Variants in AIF1L observed in about 807,000 individuals in gnomAD.
The protein encoded by AIF1L is allograft inflammatory factor 1 like, also known as allograft inflammatory factor 1-like.
AIF1L carries 12 observed loss-of-function variants against 20.7 expected under a neutral mutation model. That is an observed-to-expected ratio of 0.58 (90% confidence interval 0.37 to 0.94). The LOEUF (loss-of-function observed/expected upper bound fraction) is 0.94, where lower values mean the gene tolerates loss of function less well. Ranked by LOEUF, AIF1L falls within the 40% of genes least tolerant of loss-of-function variation. The pLI is 0.01. For missense variants in AIF1L, 173 were observed against 185.3 expected, an observed-to-expected ratio of 0.93 and a Z score of 0.39; for synonymous variants, 76 against 65.1, an observed-to-expected ratio of 1.17 and a Z score of -0.81.
intron 5 of AIF1L, among the ~76,000 whole-genome samples, chr9:131,119,175 CA>C (rs66477345): frequency 1.2e-5 from 1 of 83,610 alleles, no homozygotes; most frequent in African/African-American, 3.4e-5. Context: ...AGCATTGCCC[CA>C]GGGCAGTCTC....
rs1240026181 is a variant in AIF1L at position 131,121,114 on chromosome 9, G to A, written c.*792G>A. The stretch of plus-strand genomic sequence containing the variant: ...TCAGTGCTGTTCCACCTTTTAGGGA[G>A]GTTACTGAGGGGACCAGGATGGGAG... On this transcript the variant is annotated 3_prime_UTR_variant, in exon 6 of 6. Transcript: ENST00000247291. 8 of 714,978 alleles carry A rather than the reference G, an allele frequency of 1.1e-5. No homozygotes were observed. Among genetic ancestry groups the A allele is most frequent in the Non-Finnish European group, 2.1e-5 (8 of 383,970 alleles). 44.3% of individuals were successfully genotyped at this position (714,978 alleles called of 1,614,324 possible).
intron 2 of AIF1L, among the ~76,000 whole-genome samples, chr9:131,102,667 C>G (rs1588179867): frequency 1.3e-5 from 2 of 152,354 alleles, no homozygotes; most frequent in South Asian, 4.1e-4. Flanking sequence ...GATGCGGCAT[C>G]TGAATGAGGC....
intron 5 of AIF1L, among the ~76,000 whole-genome samples, chr9:131,119,456 G>A (rs1345664712): frequency 2.0e-5 from 3 of 149,962 alleles, no homozygotes; most frequent in African/African-American, 7.4e-5. Context: ...AGCAGAGATC[G>A]TGACATTGCC....
At chr9:131,111,259 T>A in intron 2 of AIF1L, 1 of 259,688 alleles carries the variant, frequency 3.9e-6, no homozygotes, top group Non-Finnish European at 7.4e-6. Flanking sequence ...CAGGGGCTTG[T>A]CTTTGGAGCT....
At chr9:131,114,287 G>C (rs1398529084) in intron 3 of AIF1L, 1 of 417,446 alleles carries the variant, frequency 2.4e-6, no homozygotes, top group African/African-American at 2.0e-5. Context: ...GCTGGTCTGT[G>C]CTGCTGGGGA....
Position 131,096,601 on chromosome 9 carries a change from C to G in AIF1L, c.-29C>G. 6.7e-7 allele frequency: 1 copy of G among 1,485,000 alleles called. No individual in the cohort carries two copies. Among genetic ancestry groups the G allele is most frequent in the Non-Finnish European group, 8.9e-7 (1 of 1,126,022 alleles). The allele number at this position is 1,485,000 out of a possible 1,614,324, so 92.0% of individuals were successfully genotyped here. On this transcript the variant is annotated 5_prime_UTR_variant, in exon 1 of 6. Transcript: ENST00000247291. The stretch of plus-strand genomic sequence containing the variant: ...TCGTCCCTCGCCGCGTCCGCGAAGC[C>G]TGGAGCCGGCGGGAGCCCCGCGCTC...
intron 4 of AIF1L, among the ~76,000 whole-genome samples, chr9:131,115,341 T>C (rs1361483658): frequency 1.4e-5 from 2 of 147,886 alleles, no homozygotes; most frequent in Non-Finnish European, 3.0e-5. Context: ...TCCCAGCTAC[T>C]CGGGAGGCTG....
At chr9:131,097,289 A>G (rs2133368362) in intron 2 of AIF1L, among the ~76,000 whole-genome samples, 1 of 152,208 alleles carries the variant, frequency 6.6e-6, no homozygotes, top group South Asian at 2.1e-4. Context: ...GCCCAATCTC[A>G]GCTCATTGCA....
At chr9:131,115,252 C>A (rs1830981968) in intron 4 of AIF1L, among the ~76,000 whole-genome samples, 1 of 151,908 alleles carries the variant, frequency 6.6e-6, no homozygotes, top group Admixed American at 6.5e-5. Flanking sequence ...GAGTTCAAGA[C>A]CAGCCTGGCC....
rs1305629460 is a variant in AIF1L at position 131,106,763 on chromosome 9, TCGGCCGCA to T, written c.94-4833_94-4826del. Among the ~76,000 whole-genome samples the T allele has an allele frequency of 1.3e-3, 120 of 89,286 alleles. 1 individual carries two copies. The highest frequency in any genetic ancestry group is 6.2e-3 in the African/African-American group (114 of 18,284). 58.6% of individuals were successfully genotyped at this position (89,286 alleles called of 152,430 possible). A position where few individuals can be genotyped will look rare whatever the true frequency, so the allele number is the denominator to read the frequency against. Reference sequence around the variant, plus strand: ...TCGTGCCAACAAAGAATAAATAGGGTCGGCCGCATTGAGAAGGTGACATTCGGCCGCAT... The same window carrying T: ...TCGTGCCAACAAAGAATAAATAGGGTTTGAGAAGGTGACATTCGGCCGCAT... On this transcript the variant is annotated intron_variant, in intron 2 of 5. Transcript: ENST00000247291.
intron 2 of AIF1L, among the ~76,000 whole-genome samples, chr9:131,108,527 A>G (rs1830802188): frequency 6.6e-6 from 1 of 152,156 alleles, no homozygotes; most frequent in African/African-American, 2.4e-5. Flanking sequence ...TAGATGTGGT[A>G]TTTAACCCCT....
chr9:131,120,901 T>G lies in AIF1L; in HGVS notation c.*579T>G. 1 of 492,530 alleles carries G rather than the reference T, an allele frequency of 2.0e-6. No individual in the cohort carries two copies. The highest frequency in any genetic ancestry group is 3.2e-5 in the East Asian group (1 of 31,292). The allele number at this position is 492,530 out of a possible 1,614,324, so 30.5% of individuals were successfully genotyped here. A position where few individuals can be genotyped will look rare whatever the true frequency, so the allele number is the denominator to read the frequency against. ...CTTCTCATCCTCAGTGATGTGAAGG[T>G]GGGAAGGAAAGGAGCTTGGCATTGG... is the stretch of plus-strand genomic sequence containing the variant. On this transcript the variant is annotated 3_prime_UTR_variant, in exon 6 of 6. Coordinates refer to ENST00000247291, the MANE Select transcript of AIF1L (RefSeq NM_031426.4).
At chr9:131,114,502 A>G (rs1386615527) in intron 3 of AIF1L, 75 bp from the exon 4 acceptor site, 29 of 1,550,040 alleles carry the variant, frequency 1.9e-5, no homozygotes, top group Non-Finnish European at 9.8e-6. Context: ...TCATTTGCCC[A>G]CAAGGGAGCC....
chr9:131,106,076 C>T (rs1362552000), intron 2 of AIF1L: 2 of 1,238,260 alleles, frequency 1.6e-6, no homozygotes, highest in East Asian at 2.6e-5. Context: ...TCCTCGGGCT[C>T]CTCAACAGAT....
intron 2 of AIF1L, among the ~76,000 whole-genome samples, chr9:131,104,897 C>CAA (rs5900921): frequency 1.2e-3 from 134 of 112,614 alleles, no homozygotes; most frequent in African/African-American, 3.0e-3. Flanking sequence ...GACTCTGTCT[C>CAA]AAAAAAAAAA....
At chr9:131,100,363 A>G (rs1830610625) in intron 2 of AIF1L, among the ~76,000 whole-genome samples, 1 of 152,202 alleles carries the variant, frequency 6.6e-6, no homozygotes. Context: ...AACACTTGGT[A>G]TGTGCCCGTC....
At chr9:131,101,367 GA>G (rs759201684) in intron 2 of AIF1L, among the ~76,000 whole-genome samples, 2 of 151,710 alleles carry the variant, frequency 1.3e-5, no homozygotes, top group Non-Finnish European at 2.9e-5. Flanking sequence ...TTTTTTTTGA[GA>G]CAGGGTCTCA....
chr9:131,106,193 TGCAGGGAGGGAGCC>T, intron 2 of AIF1L: 5 of 1,535,394 alleles, frequency 3.3e-6, no homozygotes, highest in Non-Finnish European at 3.5e-6. Context: ...CTCAGTACTG[TGCAGGGAGGGAGCC>T]GCAGCTACAG....
chr9:131,116,946 G>A (rs925544191), intron 4 of AIF1L, among the ~76,000 whole-genome samples: 33 of 152,226 alleles, frequency 2.2e-4, no homozygotes. Flanking sequence ...TTGCCAGGAG[G>A]AGCATTGGCT....
Sources: gnomAD v4.1 joint callset for allele counts (sites outside exome capture counted in the v4.1 genomes callset) on GRCh38, gnomAD v4.1.1 for gene constraint, MANE v1.5 for transcripts, NCBI Gene and HGNC (gene_info 2026-07-23, HGNC 2026-07-21) for gene names.